The following COL4A1 variants were observed in gnomAD, a reference collection of about 807,000 sequenced individuals.
COL4A1 encodes collagen alpha-1(IV) chain.
In COL4A1, 40 loss-of-function variants were observed where a neutral mutation model predicts 216.6. The observed-to-expected ratio is 0.18, with a 90% CI of 0.14 to 0.24. The LOEUF is 0.24. Ranked by LOEUF, COL4A1 falls within the 10% of genes least tolerant of loss-of-function variation. COL4A1 has a pLI of 1.00. For synonymous variants in COL4A1, 839 were observed against 810.7 expected, an observed-to-expected ratio of 1.03 and a Z score of -0.59; for missense variants, 1,628 against 2,196.8, an observed-to-expected ratio of 0.74 and a Z score of 5.18.
intron 2 of COL4A1, among the ~76,000 whole-genome samples, chr13:110,237,437 C>T (rs929347557): frequency 2.6e-5 from 4 of 152,162 alleles, no homozygotes; most frequent in African/African-American, 7.2e-5. Context: ...ATTTATGTCA[C>T]GACTGCTGGG....
rs1877183454 is a variant in COL4A1, at chr13:110,163,529, G to A, written c.4183C>T (p.Pro1395Ser). The A allele has an allele frequency of 6.2e-7, 1 of 1,614,104 alleles. No individual in the cohort carries two copies. The highest frequency in any genetic ancestry group is 8.5e-7 in the Non-Finnish European group (1 of 1,180,004). Residue 1395 changes from proline to serine, a missense_variant, in exon 47 of 52, where the codon CCA becomes TCA. Physicochemically the swap from Pro to Ser is moderately conservative, Grantham distance 74. Transcript: ENST00000375820. The stretch of plus-strand genomic sequence containing the variant: ...GCACCGTCAAACCCAGGAATACCTG[G>A]AGGTCCAGGTATACCCACCAATCCT... ...VTGLVGIPGP[P>S]GIPGFDGAPG...
chr13:110,154,071 G>A (rs1254304719), intron 50 of COL4A1, among the ~76,000 whole-genome samples: 1 of 152,184 alleles, frequency 6.6e-6, no homozygotes, highest in East Asian at 1.9e-4. Context: ...AAATAGCTAT[G>A]AAGCCTGTCA....
intron 2 of COL4A1, among the ~76,000 whole-genome samples, chr13:110,220,223 C>G (rs1476175362): frequency 6.6e-6 from 1 of 152,096 alleles, no homozygotes; most frequent in African/African-American, 2.4e-5. Context: ...CAGGCGTGAG[C>G]TACTGCACCC....
chr13:110,194,836 A>C (rs139871229), intron 22 of COL4A1, among the ~76,000 whole-genome samples, 187 bp downstream of exon 22: 15 of 152,262 alleles, frequency 9.9e-5, no homozygotes, highest in African/African-American at 2.2e-4. Flanking sequence ...CACCTTTCCC[A>C]CCCAGATCAT....
chr13:110,190,605 C>G (rs1196255679), intron 24 of COL4A1: 1 of 152,234 alleles, frequency 6.6e-6, no homozygotes, highest in Non-Finnish European at 1.5e-5. Context: ...TTAATCTACT[C>G]TCCTGTGTGC....
At chr13:110,306,412 T>TA (rs1294295595) in intron 1 of COL4A1, among the ~76,000 whole-genome samples, 1 of 152,208 alleles carries the variant, frequency 6.6e-6, no homozygotes, top group East Asian at 1.9e-4. Context: ...AAAGCTCAGA[T>TA]ACAGCTGTTT....
chr13:110,233,016 G>A (rs1881136273), intron 2 of COL4A1, among the ~76,000 whole-genome samples: 2 of 152,194 alleles, frequency 1.3e-5, no homozygotes, highest in South Asian at 4.1e-4. Context: ...GTGTGTATCA[G>A]TGACGTCCAA....
chr13:110,155,970 G>A (rs1876768371), intron 49 of COL4A1, among the ~76,000 whole-genome samples: 2 of 152,198 alleles, frequency 1.3e-5, no homozygotes, highest in African/African-American at 4.8e-5. Flanking sequence ...GGAGGCTGAG[G>A]CAGGACTGCC....
intron 24 of COL4A1, among the ~76,000 whole-genome samples, chr13:110,192,002 G>A (rs1268910352): frequency 6.6e-6 from 1 of 152,204 alleles, no homozygotes; most frequent in Non-Finnish European, 1.5e-5. Context: ...GAGAAGAAAG[G>A]CAGCTGTGAT....
chr13:110,197,564 G>A (rs1878962562), intron 21 of COL4A1, among the ~76,000 whole-genome samples: 1 of 152,118 alleles, frequency 6.6e-6, no homozygotes, highest in Non-Finnish European at 1.5e-5. Flanking sequence ...GAGGAGAAAA[G>A]TTCCCCAAAG....
chr13:110,168,794 CCT>C (rs1292011658), intron 43 of COL4A1, among the ~76,000 whole-genome samples: 1 of 152,042 alleles, frequency 6.6e-6, no homozygotes, highest in African/African-American at 2.4e-5. Flanking sequence ...CATGATCTCC[CCT>C]GATATACTCT....
intron 22 of COL4A1, 77 bp from the exon 23 acceptor site, chr13:110,192,990 A>G (rs937355137): frequency 6.7e-6 from 9 of 1,336,652 alleles, no homozygotes; most frequent in Non-Finnish European, 9.7e-6. Context: ...AGAACAGAAA[A>G]AGGCAAGGCT....
At chr13:110,210,859 AC>A (rs763746624) in intron 8 of COL4A1, among the ~76,000 whole-genome samples, 36 of 152,062 alleles carry the variant, frequency 2.4e-4, no homozygotes, top group Non-Finnish European at 4.0e-4. Flanking sequence ...CCACCTTCAG[AC>A]CCAAGACTAC....
At chr13:110,286,443 A>G (rs575673651) in intron 1 of COL4A1, among the ~76,000 whole-genome samples, 1 of 152,328 alleles carries the variant, frequency 6.6e-6, no homozygotes, top group South Asian at 2.1e-4. Flanking sequence ...CAGGGTCCAG[A>G]GCCTTGTGTG....
Position 110,202,409 on chromosome 13 carries a change from G to C in COL4A1, c.1000-887C>G, listed in dbSNP as rs116756933. Among the ~76,000 whole-genome samples the C allele has an allele frequency of 6.0e-3, 911 of 152,230 alleles. 10 individuals carry two copies. The highest frequency in any genetic ancestry group is 0.02 in the African/African-American group (851 of 41,526). On this transcript the variant is annotated intron_variant, in intron 18 of 51. Coordinates refer to ENST00000375820, the MANE Select transcript of COL4A1 (RefSeq NM_001845.6). ...ATTACCTTTGAACTATAATTCCTTT[G>C]TATCAATTAATAGATATTATTAAAA...
chr13:110,176,015 G>A (rs1344672085), intron 36 of COL4A1, among the ~76,000 whole-genome samples: 1 of 149,926 alleles, frequency 6.7e-6, no homozygotes, highest in African/African-American at 2.5e-5. Context: ...AAGCATTAAG[G>A]CTAGTCCGGG....
intron 1 of COL4A1, among the ~76,000 whole-genome samples, chr13:110,285,089 G>A (rs769957366): frequency 6.6e-6 from 1 of 152,236 alleles, no homozygotes; most frequent in Non-Finnish European, 1.5e-5. Flanking sequence ...ACTCTGAGCA[G>A]TGTTTGGATC....
intron 15 of COL4A1, among the ~76,000 whole-genome samples, chr13:110,205,758 G>A (rs1464429539): frequency 1.3e-5 from 2 of 152,020 alleles, no homozygotes; most frequent in Non-Finnish European, 2.9e-5. Context: ...ACCTACTTGG[G>A]AGGCTGAGGC....
At chr13:110,289,399 C>CTCT (rs1883990977) in intron 1 of COL4A1, among the ~76,000 whole-genome samples, 1 of 152,180 alleles carries the variant, frequency 6.6e-6, no homozygotes. Flanking sequence ...TTGCAATCAA[C>CTCT]TCGTTCCTGT....
Sources: gnomAD v4.1 joint callset for allele counts (sites outside exome capture counted in the v4.1 genomes callset) on GRCh38, gnomAD v4.1.1 for gene constraint, MANE v1.5 for transcripts, NCBI Gene and HGNC (gene_info 2026-07-23, HGNC 2026-07-21) for gene names.